The following TANK variants were observed in gnomAD, a reference collection of about 807,000 sequenced individuals.
TANK encodes the protein TRAF family member-associated NF-kappa-B activator.
A neutral mutation model predicts 43.6 loss-of-function variants in TANK; 15 were observed. That is an observed-to-expected ratio of 0.34 (90% confidence interval 0.23 to 0.53). TANK has a LOEUF of 0.53. Ranked by LOEUF, TANK falls within the 20% of genes least tolerant of loss-of-function variation. The probability of loss-of-function intolerance (pLI) is 0.94; values close to 1 mark genes in which losing one functional copy is unlikely to be tolerated. For synonymous variants in TANK, 162 were observed against 178.2 expected (o/e 0.91, Z 0.73); for missense variants, 417 against 498.6 (o/e 0.84, Z 1.56).
intron 4 of TANK, chr2:161,212,858 CCTG>C: frequency 2.2e-5 from 17 of 785,592 alleles, no homozygotes; most frequent in Non-Finnish European, 2.2e-5. Context: ...TAAAGGAATA[CCTG>C]AGGCTGGGGA....
At position 161,179,635 on chromosome 2, in the gene TANK, T is replaced by G. The variant is rs1685329700; in HGVS notation, c.-28T>G. 1 of 1,611,878 alleles carries G rather than the reference T, an allele frequency of 6.2e-7. No individual in the cohort carries two copies. The highest frequency in any genetic ancestry group is 8.5e-7 in the Non-Finnish European group (1 of 1,178,950). ...GCAGACCTGTCATTTACTCCATCCTTTATAGTGATGCTACAGGACGAAGAG... is the reference window on the plus strand; with the variant it reads ...GCAGACCTGTCATTTACTCCATCCTGTATAGTGATGCTACAGGACGAAGAG... On this transcript the variant is annotated 5_prime_UTR_variant, in exon 2 of 8. Transcript: ENST00000392749.
intron 2 of TANK, among the ~76,000 whole-genome samples, chr2:161,196,769 T>A (rs1686171649): frequency 6.6e-6 from 1 of 152,130 alleles, no homozygotes; most frequent in Non-Finnish European, 1.5e-5. Context: ...GGCAGGAGAA[T>A]CACTTGAACC....
chr2:161,206,136 C>CT (rs201045151), intron 4 of TANK, among the ~76,000 whole-genome samples: 24 of 148,360 alleles, frequency 1.6e-4, no homozygotes, highest in East Asian at 9.8e-4. Context: ...ATATCTGCAA[C>CT]TTTTTTTTTT....
chr2:161,176,825 AC>A (rs1211246568), intron 1 of TANK, among the ~76,000 whole-genome samples: 1 of 152,088 alleles, frequency 6.6e-6, no homozygotes, highest in Admixed American at 6.6e-5. Flanking sequence ...ATCTAAAGGT[AC>A]AGGTGTGGTT....
rs899344724 is a variant in TANK, at chr2:161,235,468, A to C, written c.1228A>C (p.Arg410=). 1.2e-6 allele frequency: 2 copies of C among 1,613,824 alleles called. No homozygotes were observed. The highest frequency in any genetic ancestry group is 2.7e-5 in the African/African-American group (2 of 74,894). ...QAVFPPSITS[R]GDFLRHLNSH... is the part of the protein sequence containing the mutation. ...AGTTTTCCCACCATCCATTACATCC[A>C]GGGGGGATTTCCTTCGGCATCTTAA... Residue 410 remains arginine, a synonymous_variant, in exon 8 of 8, where the codon AGG becomes CGG. Coordinates refer to ENST00000392749, the MANE Select transcript of TANK (RefSeq NM_001199135.3).
chr2:161,144,468 G>A (rs546674096), intron 1 of TANK, among the ~76,000 whole-genome samples: 10 of 152,230 alleles, frequency 6.6e-5, no homozygotes, highest in Admixed American at 5.2e-4. Context: ...TCTTAACACT[G>A]CTTTAGCTGT....
chr2:161,225,325 T>G (rs1264517718), intron 6 of TANK, among the ~76,000 whole-genome samples: 1 of 152,126 alleles, frequency 6.6e-6, no homozygotes, highest in African/African-American at 2.4e-5. Context: ...AGCCTTGAAC[T>G]CCTGGGCTCA....
intron 1 of TANK, among the ~76,000 whole-genome samples, chr2:161,139,452 T>G (rs1406759161): frequency 6.6e-6 from 1 of 152,230 alleles, no homozygotes. Context: ...CTGTATGGTT[T>G]TTCTACTTCA....
intron 2 of TANK, chr2:161,200,609 T>A (rs1038760772): frequency 6.6e-6 from 6 of 905,272 alleles, no homozygotes; most frequent in Admixed American, 6.2e-5. Context: ...CTTCCCTTTT[T>A]AAAAAAAAGA....
chr2:161,156,979 C>A (rs1315136286), upstream of TANK, among the ~76,000 whole-genome samples: 1 of 152,194 alleles, frequency 6.6e-6, no homozygotes, highest in Non-Finnish European at 1.5e-5. Context: ...GAGCATTACA[C>A]CTATCCACTC....
At chr2:161,138,456 G>C (rs1401800618) in intron 1 of TANK, among the ~76,000 whole-genome samples, 1 of 152,126 alleles carries the variant, frequency 6.6e-6, no homozygotes, top group Non-Finnish European at 1.5e-5. Flanking sequence ...TCTTATGATA[G>C]AAAAAGGAAG....
upstream of TANK, chr2:161,160,410 C>T (rs1684358926): frequency 4.8e-6 from 6 of 1,240,544 alleles, no homozygotes; most frequent in Middle Eastern, 3.1e-4. Flanking sequence ...GAACAAAATG[C>T]AACTTCCGGT....
intron 2 of TANK, chr2:161,180,206 T>G: frequency 1.5e-6 from 1 of 661,942 alleles, no homozygotes; most frequent in Non-Finnish European, 1.9e-6. Context: ...TTTATAATAC[T>G]CTTCCATTCT....
intron 2 of TANK, among the ~76,000 whole-genome samples, chr2:161,183,760 A>G (rs1685533868): frequency 6.6e-6 from 1 of 152,136 alleles, no homozygotes; most frequent in Admixed American, 6.5e-5. Flanking sequence ...TTTAAGAAAC[A>G]TTTATTGAGT....
chr2:161,169,057 G>A (rs1684825970), intron 1 of TANK, among the ~76,000 whole-genome samples: 1 of 152,120 alleles, frequency 6.6e-6, no homozygotes, highest in Admixed American at 6.5e-5. Flanking sequence ...CAAGATTTGC[G>A]TCACCACGTG....
intron 5 of TANK, among the ~76,000 whole-genome samples, chr2:161,224,389 A>C (rs1444710725): frequency 1.3e-5 from 2 of 152,106 alleles, no homozygotes; most frequent in African/African-American, 2.4e-5. Context: ...TATATGAATA[A>C]GTAGATATGC....
At chr2:161,209,179 A>G (rs1686774983) in intron 4 of TANK, among the ~76,000 whole-genome samples, 1 of 152,238 alleles carries the variant, frequency 6.6e-6, no homozygotes, top group Non-Finnish European at 1.5e-5. Flanking sequence ...TAATATGAAT[A>G]TACTTTCCAG....
chr2:161,186,402 A>G (rs913672132), intron 2 of TANK, among the ~76,000 whole-genome samples: 2 of 152,148 alleles, frequency 1.3e-5, no homozygotes, highest in Admixed American at 1.3e-4. Context: ...GGATATTTTC[A>G]TGGTTTTCTC....
intron 1 of TANK, among the ~76,000 whole-genome samples, chr2:161,141,894 A>G: frequency 6.6e-6 from 1 of 152,184 alleles, no homozygotes; most frequent in Non-Finnish European, 1.5e-5. Context: ...TAGATCCTTG[A>G]GGAATTGCCA....
Sources: allele counts gnomAD v4.1 joint callset (sites outside exome capture counted in the v4.1 genomes callset), GRCh38; gene constraint gnomAD v4.1.1; transcripts MANE v1.5; gene names NCBI Gene and HGNC (gene_info 2026-07-23, HGNC 2026-07-21).